The following AK9 variants were observed in gnomAD, a reference collection of about 807,000 sequenced individuals.
AK9 encodes adenylate kinase 9.
In AK9, 191 loss-of-function variants were observed where a neutral mutation model predicts 239.6. The observed-to-expected ratio is 0.80, with a 90% CI of 0.71 to 0.90. AK9 has a LOEUF of 0.90. Ranked by LOEUF, AK9 falls within the 40% of genes least tolerant of loss-of-function variation. The pLI, the probability that AK9 is intolerant of heterozygous loss-of-function variation, is 0.00. For missense variants in AK9, 1,995 were observed against 2,214.7 expected (o/e 0.90, Z 1.99); for synonymous variants, 689 against 721.0 (o/e 0.96, Z 0.71).
intron 38 of AK9, among the ~76,000 whole-genome samples, chr6:109,496,612 G>A (rs1228335155): frequency 6.6e-6 from 1 of 151,612 alleles, no homozygotes. Flanking sequence ...CCTCATCCTG[G>A]CTCTCCTTTC....
intron 35 of AK9, 102 bp downstream of exon 35, chr6:109,506,225 C>T (rs1021712144): frequency 2.8e-5 from 29 of 1,024,766 alleles, no homozygotes; most frequent in East Asian, 1.4e-4. Flanking sequence ...TATTAAGTCA[C>T]GCCTGACTCA....
intron 19 of AK9, among the ~76,000 whole-genome samples, chr6:109,580,287 G>T (rs1788663558): frequency 6.6e-6 from 1 of 152,078 alleles, no homozygotes; most frequent in Non-Finnish European, 1.5e-5. Flanking sequence ...TTTTCATTAG[G>T]ATTGAAGCAC....
chr6:109,664,341 T>C (rs1194754141), intron 5 of AK9, among the ~76,000 whole-genome samples: 1 of 152,202 alleles, frequency 6.6e-6, no homozygotes, highest in Non-Finnish European at 1.5e-5. Flanking sequence ...CACCTGTTGA[T>C]AGACGAGTGA....
intron 27 of AK9, among the ~76,000 whole-genome samples, chr6:109,540,539 C>G (rs912509596): frequency 1.3e-5 from 2 of 152,200 alleles, no homozygotes; most frequent in African/African-American, 4.8e-5. Flanking sequence ...TTCCCTGACC[C>G]CTTGCAGTTC....
chr6:109,625,358 G>A (rs12529505), intron 12 of AK9, among the ~76,000 whole-genome samples: 30,436 of 152,128 alleles, frequency 0.2, 3,672 homozygotes, highest in Middle Eastern at 0.28. Context: ...TGCTTCTGAT[G>A]ACAAGTTGGC....
At chr6:109,575,873 TC>T (rs1434537385) in intron 20 of AK9, among the ~76,000 whole-genome samples, 1 of 152,230 alleles carries the variant, frequency 6.6e-6, no homozygotes, top group African/African-American at 2.4e-5. Context: ...GCTTCATTCT[TC>T]ATTGTGGCTT....
intron 26 of AK9, 101 bp downstream of exon 26, chr6:109,545,766 G>A: frequency 7.1e-7 from 1 of 1,404,820 alleles, no homozygotes; most frequent in Admixed American, 2.5e-5. Context: ...TTGTGCCACT[G>A]CCTTCCTGTC....
chr6:109,678,495 C>T (rs1772089990), intron 1 of AK9, among the ~76,000 whole-genome samples: 2 of 152,100 alleles, frequency 1.3e-5, no homozygotes. Flanking sequence ...GTATCAATGT[C>T]AATACTATAG....
At chr6:109,613,231 C>T (rs976843798) in intron 15 of AK9, among the ~76,000 whole-genome samples, 1 of 151,560 alleles carries the variant, frequency 6.6e-6, no homozygotes, top group East Asian at 1.9e-4. Flanking sequence ...TCAAAAACAG[C>T]AAGCTGACTT....
At chr6:109,495,226 A>C (rs948101804) in intron 39 of AK9, 112 bp downstream of exon 39, 62 of 873,470 alleles carry the variant, frequency 7.1e-5, no homozygotes, top group Non-Finnish European at 1.7e-5. Flanking sequence ...TGCAGCTTAA[A>C]ATCAGAAAAC....
chr6:109,510,187 A>G (rs908462659), intron 32 of AK9, among the ~76,000 whole-genome samples: 1 of 151,890 alleles, frequency 6.6e-6, no homozygotes, highest in Admixed American at 6.5e-5. Flanking sequence ...ACCCAGGGCC[A>G]CCCATGGACC....
chr6:109,568,587 G>T (rs929973536), intron 21 of AK9, among the ~76,000 whole-genome samples: 2 of 152,124 alleles, frequency 1.3e-5, no homozygotes, highest in South Asian at 4.1e-4. Context: ...AAAGTCTCAG[G>T]ATACAAAATC....
rs1323838557 is a variant in AK9 at position 109,659,233 on chromosome 6, C to T, written c.625G>A (p.Glu209Lys). The T allele has an allele frequency of 6.3e-7, 1 of 1,579,258 alleles. No homozygotes were observed. The highest frequency in any genetic ancestry group is 8.5e-7 in the Non-Finnish European group (1 of 1,169,734). ...GTTACCTATTGAGATATTACCTCTT[C>T]TTCTTCTTGCTCTTCTTCCTCTTCT... ...EEEEEEEQEE[E>K]EAFIAEMQMV... is the part of the protein sequence containing the mutation. Residue 209 changes from glutamate (E) to lysine (K), a missense_variant, in exon 7 of 41, where the codon GAA (glutamate) becomes AAA (lysine). By Grantham distance (56) the Glu-to-Lys change is moderately conservative. Around this residue, in one of 5 missense-constraint regions of AK9, gnomAD observed 252 missense variants for 246.4 expected, o/e 1.02. Coordinates refer to ENST00000424296, the MANE Select transcript of AK9 (RefSeq NM_001145128.3).
At chr6:109,567,351 A>G (rs1786701588) in intron 21 of AK9, among the ~76,000 whole-genome samples, 1 of 152,174 alleles carries the variant, frequency 6.6e-6, no homozygotes. Flanking sequence ...AAATTCCTGG[A>G]CACATACACC....
intron 10 of AK9, among the ~76,000 whole-genome samples, chr6:109,638,557 T>C (rs1468908986): frequency 2.0e-5 from 3 of 152,220 alleles, no homozygotes; most frequent in Non-Finnish European, 4.4e-5. Flanking sequence ...CATGGCTCAC[T>C]GCAGCCTCAA....
At chr6:109,675,507 A>G in intron 2 of AK9, 122 bp downstream of exon 2, 1 of 602,448 alleles carries the variant, frequency 1.7e-6, no homozygotes, top group South Asian at 2.9e-5. Context: ...GTCATATAAT[A>G]AAAGCTTATC....
chr6:109,560,433 T>C (rs777397402), intron 24 of AK9, among the ~76,000 whole-genome samples: 4 of 152,208 alleles, frequency 2.6e-5, no homozygotes, highest in Non-Finnish European at 5.9e-5. Context: ...ATCCCCTTTA[T>C]CAAGCTAAGG....
chr6:109,598,880 A>G (rs904939021), intron 17 of AK9, among the ~76,000 whole-genome samples: 4 of 152,086 alleles, frequency 2.6e-5, no homozygotes, highest in African/African-American at 9.7e-5. Flanking sequence ...TTCGTTTGAG[A>G]AGTGTCTGTT....
chr6:109,589,204 C>T (rs949968105), intron 17 of AK9, among the ~76,000 whole-genome samples: 3 of 152,116 alleles, frequency 2.0e-5, no homozygotes, highest in African/African-American at 4.8e-5. Flanking sequence ...TCTTCTGATC[C>T]ATGAACATGG....
Sources: gnomAD v4.1 joint callset for allele counts (sites outside exome capture counted in the v4.1 genomes callset) on GRCh38, gnomAD v4.1.1 for gene constraint, gnomAD v4.1.1 regional missense constraint, MANE v1.5 for transcripts, NCBI Gene and HGNC (gene_info 2026-07-23, HGNC 2026-07-21) for gene names.